The following CIMIP4 variants were observed in gnomAD, a reference collection of about 807,000 sequenced individuals.
CIMIP4 encodes the protein ciliary microtubule inner protein 4.
the CIMIP4 span, among the ~76,000 whole-genome samples, chr22:37,007,077 C>G: frequency 6.6e-6 from 1 of 152,080 alleles, no homozygotes; most frequent in African/African-American, 2.4e-5. Flanking sequence ...GACTAGAGAC[C>G]CAAGCAACAC....
the CIMIP4 span, chr22:36,999,827 C>T: frequency 1.2e-6 from 2 of 1,609,810 alleles, no homozygotes; most frequent in African/African-American, 1.3e-5. Context: ...CCACCCTTGC[C>T]CTTTGACTTG....
the CIMIP4 span, chr22:36,999,695 G>A: frequency 1.7e-5 from 18 of 1,038,292 alleles, no homozygotes; most frequent in Non-Finnish European, 2.5e-5. Flanking sequence ...TGACATAGAG[G>A]ACACATGGGC....
chr22:37,002,175 G>T, the CIMIP4 span: 1 of 1,499,466 alleles, frequency 6.7e-7, no homozygotes, highest in Non-Finnish European at 8.9e-7. Context: ...AGGGGCAGGG[G>T]CTGTGGGGAT....
the CIMIP4 span, chr22:37,002,163 C>T: frequency 1.3e-6 from 2 of 1,513,250 alleles, no homozygotes; most frequent in Non-Finnish European, 1.8e-6. Flanking sequence ...GCGCTGGCTC[C>T]CAGGGGCAGG....
chr22:37,000,078 C>T, the CIMIP4 span: 4 of 1,466,512 alleles, frequency 2.7e-6, no homozygotes, highest in East Asian at 2.3e-5. Context: ...ACCCTGCCCT[C>T]CCCACCCCGA....
chr22:36,991,285 A>T, the CIMIP4 span: 4 of 1,613,870 alleles, frequency 2.5e-6, no homozygotes, highest in Admixed American at 6.7e-5. Flanking sequence ...CCCTACAGCG[A>T]GCAGGAGAAG....
At chr22:37,002,409 GGACA>G in the CIMIP4 span, 38 of 661,302 alleles carry the variant, frequency 5.7e-5, no homozygotes, top group Admixed American at 3.8e-5. Context: ...GAGGGGAAAC[GGACA>G]GACAAAGAGC....
At chr22:36,991,273 C>A in the CIMIP4 span, 1 of 1,614,054 alleles carries the variant, frequency 6.2e-7, no homozygotes, top group Non-Finnish European at 8.5e-7. Flanking sequence ...CTGGTGCCAC[C>A]GCCCTACAGC....
chr22:36,999,958 G>A, the CIMIP4 span: 352 of 1,613,372 alleles, frequency 2.2e-4, 4 homozygotes, highest in East Asian at 6.0e-3. Flanking sequence ...TCTGGCCCTC[G>A]AAGACTTCAT....
At chr22:37,004,969 T>A in the CIMIP4 span, among the ~76,000 whole-genome samples, 1 of 152,200 alleles carries the variant, frequency 6.6e-6, no homozygotes, top group African/African-American at 2.4e-5. Flanking sequence ...ATTACAGGTG[T>A]GAGCCACCGT....
At chr22:36,994,555 T>G in the CIMIP4 span, among the ~76,000 whole-genome samples, 27 of 151,778 alleles carry the variant, frequency 1.8e-4, no homozygotes, top group African/African-American at 6.0e-4. Flanking sequence ...TTTTAGTAGA[T>G]ATAGGGTTTC....
chr22:36,993,550 C>G, the CIMIP4 span, among the ~76,000 whole-genome samples: 1 of 148,334 alleles, frequency 6.7e-6, no homozygotes, highest in Non-Finnish European at 1.5e-5. Flanking sequence ...CGGTGAAACC[C>G]CGTCTCTACT....
the CIMIP4 span, among the ~76,000 whole-genome samples, chr22:36,994,266 G>C: frequency 6.6e-6 from 1 of 152,182 alleles, no homozygotes; most frequent in African/African-American, 2.4e-5. Flanking sequence ...TTATTAACAA[G>C]CCTGTTCTAT....
chr22:37,001,993 CT>C, the CIMIP4 span: 2 of 1,613,930 alleles, frequency 1.2e-6, no homozygotes, highest in Non-Finnish European at 1.7e-6. Flanking sequence ...GCTGAGCCCC[CT>C]CTCCCGAGGT....
the CIMIP4 span, chr22:36,991,198 G>T: frequency 6.2e-7 from 1 of 1,614,142 alleles, no homozygotes. Flanking sequence ...GGAGCTCTTG[G>T]ATTTGCTGTT....
the CIMIP4 span, chr22:37,002,243 GGGTCCAA>G: frequency 6.9e-7 from 1 of 1,452,856 alleles, no homozygotes; most frequent in Non-Finnish European, 9.1e-7. Context: ...CGCTTTCCAG[GGGTCCAA>G]GTCCTGTTGG....
At chr22:37,003,332 C>A in the CIMIP4 span, among the ~76,000 whole-genome samples, 5 of 152,298 alleles carry the variant, frequency 3.3e-5, no homozygotes, top group Middle Eastern at 3.4e-3. Context: ...TTAGCAGGAT[C>A]GCTGCCCCAA....
the CIMIP4 span, among the ~76,000 whole-genome samples, chr22:36,995,651 C>T: frequency 6.6e-6 from 1 of 152,222 alleles, no homozygotes; most frequent in Non-Finnish European, 1.5e-5. Context: ...CATTTTCCCC[C>T]ATGCTGTTTC....
the CIMIP4 span, among the ~76,000 whole-genome samples, chr22:36,994,252 G>A: frequency 6.6e-6 from 1 of 152,296 alleles, no homozygotes; most frequent in Middle Eastern, 3.4e-3. Context: ...GATTTGTGCA[G>A]AAATTATTAA....
Sources: gnomAD v4.1 joint callset for allele counts (sites outside exome capture counted in the v4.1 genomes callset) on GRCh38, gnomAD v4.1.1 for gene constraint, MANE v1.5 for transcripts, NCBI Gene and HGNC (gene_info 2026-07-23, HGNC 2026-07-21) for gene names.